KDM5A: variants seen among roughly 807,000 people sequenced by gnomAD.
The protein encoded by KDM5A is lysine demethylase 5A, also known as lysine-specific demethylase 5A.
In KDM5A, 42 loss-of-function variants were observed where a neutral mutation model predicts 193.5. The observed-to-expected ratio is 0.22, with a 90% confidence interval of 0.17 to 0.28. The LOEUF (loss-of-function observed/expected upper bound fraction) is 0.28, where lower values mean the gene tolerates loss of function less well. KDM5A is among the 10% of genes least tolerant of loss of function. The pLI is 1.00. For missense variants in KDM5A, 1,692 were observed against 2,055.1 expected (o/e 0.82, Z 3.42); for synonymous variants, 796 against 718.1 (o/e 1.11, Z -1.73).
At chr12:374,528 A>C (rs1049124609) in intron 3 of KDM5A, among the ~76,000 whole-genome samples, 1 of 152,076 alleles carries the variant, frequency 6.6e-6, no homozygotes, top group African/African-American at 2.4e-5. Context: ...TCTTTATCCA[A>C]TTTGCCAGTC....
chr12:369,803 A>G (rs1003088770), intron 3 of KDM5A, among the ~76,000 whole-genome samples: 1 of 152,200 alleles, frequency 6.6e-6, no homozygotes, highest in Admixed American at 6.5e-5. Context: ...TTACTATCCA[A>G]TACAATAATC....
chr12:296,089 C>T (rs186482643), intron 25 of KDM5A, among the ~76,000 whole-genome samples: 8 of 152,092 alleles, frequency 5.3e-5, no homozygotes, highest in African/African-American at 9.6e-5. Context: ...GAGGCTGAGG[C>T]GGGTGGATCA....
At chr12:337,569 T>G (rs1244210400) in intron 10 of KDM5A, among the ~76,000 whole-genome samples, 1 of 152,022 alleles carries the variant, frequency 6.6e-6, no homozygotes, top group Non-Finnish European at 1.5e-5. Context: ...ATCTGAGATT[T>G]ATCCTATATT....
At chr12:289,895 T>TTTTTC (rs146290832) in intron 27 of KDM5A, among the ~76,000 whole-genome samples, 24 of 146,470 alleles carry the variant, frequency 1.6e-4, no homozygotes, top group East Asian at 1.0e-3. Context: ...AAGCATGATT[T>TTTTTC]TTTCTTTCTT....
At position 280,203 on chromosome 12, in the gene KDM5A, T is replaced by C. The variant is rs1041440555; in HGVS notation, c.*5253A>G. 1 of 232,658 alleles carries C rather than the reference T, an allele frequency of 4.3e-6. No homozygotes were observed. The highest frequency in any genetic ancestry group is 6.1e-5 in the East Asian group (1 of 16,526). The allele number at this position is 232,658 out of a possible 1,614,324, so 14.4% of individuals were successfully genotyped here. A position where few individuals can be genotyped will look rare whatever the true frequency, so the allele number is the denominator to read the frequency against. ...TATTTGATTCCATTCTTTTGTACTG[T>C]TCCCTACTTTTACAATGTGTACAAT... is the stretch of plus-strand genomic sequence containing the variant. On this transcript the variant is annotated 3_prime_UTR_variant, in exon 28 of 28. Coordinates refer to ENST00000399788, the MANE Select transcript of KDM5A (RefSeq NM_001042603.3).
chr12:343,527 T>C (rs1418487428), intron 10 of KDM5A, among the ~76,000 whole-genome samples: 3 of 152,132 alleles, frequency 2.0e-5, no homozygotes, highest in East Asian at 1.9e-4. Context: ...ACACTTCATA[T>C]AGACAGCTGC....
At chr12:309,617 A>G (rs1203452562) in intron 22 of KDM5A, among the ~76,000 whole-genome samples, 186 bp downstream of exon 22, 2 of 152,268 alleles carry the variant, frequency 1.3e-5, no homozygotes, top group African/African-American at 4.8e-5. Context: ...TTGGGAAAAG[A>G]GCAGAATACT....
intron 3 of KDM5A, among the ~76,000 whole-genome samples, chr12:371,017 G>C (rs1041715440): frequency 6.6e-6 from 1 of 152,158 alleles, no homozygotes; most frequent in African/African-American, 2.4e-5. Context: ...GTCTATCATT[G>C]ATGGACATTT....
At chr12:356,371 T>C in intron 6 of KDM5A, 61 bp downstream of exon 6, 1 of 1,020,332 alleles carries the variant, frequency 9.8e-7, no homozygotes, top group Non-Finnish European at 1.5e-6. Context: ...AAGTATCATT[T>C]GAGTTTTTTT....
chr12:322,201 T>C, intron 17 of KDM5A: 2 of 569,912 alleles, frequency 3.5e-6, no homozygotes, highest in East Asian at 5.8e-5. Flanking sequence ...ATGTGCCTGC[T>C]ATGTATGAAG....
chr12:331,364 T>C (rs755902305), intron 13 of KDM5A, among the ~76,000 whole-genome samples: 7 of 152,254 alleles, frequency 4.6e-5, no homozygotes, highest in Non-Finnish European at 8.8e-5. Context: ...AAGCCACTAT[T>C]ACTTTTGCAC....
chr12:370,607 G>C (rs886187786), intron 3 of KDM5A, among the ~76,000 whole-genome samples: 1 of 80,720 alleles, frequency 1.2e-5, no homozygotes, highest in African/African-American at 3.7e-5. Context: ...GCTGGGAACA[G>C]AGACTTTTTT....
intron 18 of KDM5A, 87 bp downstream of exon 18, chr12:320,908 C>G (rs762354460): frequency 2.9e-5 from 27 of 934,796 alleles, no homozygotes; most frequent in Non-Finnish European, 4.2e-5. Context: ...GAGCAAAAAA[C>G]TAGTTTAGAT....
intron 4 of KDM5A, among the ~76,000 whole-genome samples, chr12:363,817 TA>T (rs1944320416): frequency 6.6e-6 from 1 of 151,972 alleles, no homozygotes; most frequent in Non-Finnish European, 1.5e-5. Flanking sequence ...AATGAAAAGA[TA>T]ACAGACTAGG....
At chr12:388,303 G>A (rs757427403) in intron 1 of KDM5A, 27 of 455,768 alleles carry the variant, frequency 5.9e-5, no homozygotes, top group Non-Finnish European at 1.0e-4. Flanking sequence ...TTCTAAAATC[G>A]TTGATCTTGA....
chr12:281,645 A>G lies in KDM5A; in HGVS notation c.*3811T>C. On this transcript the variant is annotated 3_prime_UTR_variant, in exon 28 of 28. Transcript: ENST00000399788. ...ATGTGAAGCTTTATTAAATCTGGTT[A>G]TATGTGGGACTTCAACAGCTCAATT... 1 of 234,216 alleles carries G rather than the reference A, an allele frequency of 4.3e-6. No homozygotes were observed. The highest frequency in any genetic ancestry group is 8.4e-6 in the Non-Finnish European group (1 of 118,664). 14.5% of individuals were successfully genotyped at this position (234,216 alleles called of 1,614,324 possible).
chr12:354,046 A>T, intron 8 of KDM5A, 30 bp downstream of exon 8: 1 of 1,585,328 alleles, frequency 6.3e-7, no homozygotes, highest in Admixed American at 1.7e-5. Context: ...TTTTTAGTTA[A>T]AAAAGGATCC....
In KDM5A at chr12:283,408, A is replaced by G. The variant is rs1024156406; in HGVS notation, c.*2048T>C. 2 of 232,904 alleles carry G rather than the reference A, an allele frequency of 8.6e-6. No homozygotes were observed. The highest frequency in any genetic ancestry group is 4.4e-5 in the African/African-American group (2 of 45,322). The allele number at this position is 232,904 out of a possible 1,614,324, so 14.4% of individuals were successfully genotyped here. On this transcript the variant is annotated 3_prime_UTR_variant, in exon 28 of 28. Transcript: ENST00000399788. ...AACTTACTTCAGATGAGACCTCAAGACATATGCACAGCAACACTAACAAAC... is the reference window on the plus strand; with the variant it reads ...AACTTACTTCAGATGAGACCTCAAGGCATATGCACAGCAACACTAACAAAC...
At chr12:347,374 C>T (rs896456994) in intron 10 of KDM5A, among the ~76,000 whole-genome samples, 1 of 136,958 alleles carries the variant, frequency 7.3e-6, no homozygotes, top group Non-Finnish European at 1.6e-5. Flanking sequence ...CCCCATCAAG[C>T]TACCAATGGA....
Sources: allele counts gnomAD v4.1 joint callset (sites outside exome capture counted in the v4.1 genomes callset), GRCh38; gene constraint gnomAD v4.1.1; transcripts MANE v1.5; gene names NCBI Gene and HGNC (gene_info 2026-07-23, HGNC 2026-07-21).